Variants in UHRF1 observed in about 807,000 individuals in gnomAD.
UHRF1 encodes the protein ubiquitin like with PHD and ring finger domains 1.
A neutral mutation model predicts 96.5 loss-of-function variants in UHRF1; 9 were observed. That is an observed-to-expected ratio of 0.09 (90% CI 0.06 to 0.16). The LOEUF (loss-of-function observed/expected upper bound fraction) is 0.16. Ranked by LOEUF, UHRF1 falls within the 10% of genes least tolerant of loss-of-function variation. The probability of loss-of-function intolerance (pLI) is 1.00; values close to 1 mark genes in which losing one functional copy is unlikely to be tolerated. For missense variants in UHRF1, 626 were observed against 1,131.1 expected, an observed-to-expected ratio of 0.55 and a Z score of 6.40; for synonymous variants, 455 against 469.9, an observed-to-expected ratio of 0.97 and a Z score of 0.41.
chr19:4,934,760 C>T (rs1196977106), intron 5 of UHRF1, among the ~76,000 whole-genome samples: 1 of 152,094 alleles, frequency 6.6e-6, no homozygotes. Flanking sequence ...ATTTATGGTG[C>T]ATCTGTGGCC....
chr19:4,945,768 C>A, intron 9 of UHRF1, 93 bp from the exon 10 acceptor site: 1 of 1,089,564 alleles, frequency 9.2e-7, no homozygotes, highest in Non-Finnish European at 1.4e-6. Flanking sequence ...AGTGAGGCCG[C>A]TGGCTGCTCG....
intron 11 of UHRF1, 44 bp downstream of exon 11, chr19:4,947,255 G>A: frequency 1.3e-6 from 2 of 1,562,318 alleles, no homozygotes; most frequent in Non-Finnish European, 1.8e-6. Flanking sequence ...ATGCATATCT[G>A]CCGAGTCTTG....
chr19:4,956,899 C>G, intron 16 of UHRF1, 86 bp downstream of exon 16: 1 of 961,990 alleles, frequency 1.0e-6, no homozygotes, highest in Non-Finnish European at 1.6e-6. Flanking sequence ...CCACTACAGA[C>G]AGAGGCTTGT....
chr19:4,916,485 G>A (rs867593583), intron 2 of UHRF1, among the ~76,000 whole-genome samples: 6 of 152,164 alleles, frequency 3.9e-5, no homozygotes, highest in Admixed American at 1.3e-4. Flanking sequence ...TGATCGTGGT[G>A]TCTTTGTGGC....
chr19:4,916,771 C>T (rs1024435488), intron 2 of UHRF1, among the ~76,000 whole-genome samples: 9 of 152,244 alleles, frequency 5.9e-5, no homozygotes, highest in Non-Finnish European at 8.8e-5. Flanking sequence ...GGCGCTGAGA[C>T]GGGCCAGCAG....
At chr19:4,907,420 C>T (rs1436998360), upstream of UHRF1, among the ~76,000 whole-genome samples, 1 of 152,136 alleles carries the variant, frequency 6.6e-6, no homozygotes, top group Non-Finnish European at 1.5e-5. Context: ...AGGCGCCGGC[C>T]ACCACACCTG....
intron 7 of UHRF1, 109 bp from the exon 8 acceptor site, chr19:4,944,023 A>T: frequency 6.7e-7 from 1 of 1,503,652 alleles, no homozygotes; most frequent in Non-Finnish European, 9.0e-7. Context: ...GCAGGATGGT[A>T]GTGGTGCCAG....
At position 4,945,813 on chromosome 19, in the gene UHRF1, C is replaced by T. The variant is rs988092242; in HGVS notation, c.1306-48C>T. Reference sequence around the variant, plus strand: ...GGAGGAGGGCGGTGGAGCTTCTCTGCAGCAGTCATTGCAGAGGACACCATG... The same window carrying T: ...GGAGGAGGGCGGTGGAGCTTCTCTGTAGCAGTCATTGCAGAGGACACCATG... On this transcript the variant is annotated intron_variant, in intron 9 of 16. Coordinates refer to ENST00000650932, the MANE Select transcript of UHRF1 (RefSeq NM_001048201.3). 4 of 1,510,284 alleles carry T rather than the reference C, an allele frequency of 2.6e-6. No homozygotes were observed. In the African/African-American group the frequency reaches 4.2e-5, roughly 16 times the overall value. 93.6% of individuals were successfully genotyped at this position (1,510,284 alleles called of 1,614,324 possible).
intron 9 of UHRF1, 108 bp downstream of exon 9, chr19:4,944,558 G>T (rs2033507428): frequency 8.2e-7 from 1 of 1,222,998 alleles, no homozygotes; most frequent in Non-Finnish European, 1.2e-6. Flanking sequence ...GTTACCAGTG[G>T]TGCCTCGGCT....
At chr19:4,927,366 G>A (rs1252591893) in intron 2 of UHRF1, among the ~76,000 whole-genome samples, 2 of 130,820 alleles carry the variant, frequency 1.5e-5, no homozygotes, top group South Asian at 5.1e-4. Flanking sequence ...GGGCGACAGA[G>A]TGAGACTCCA....
intron 5 of UHRF1, among the ~76,000 whole-genome samples, chr19:4,937,036 A>G (rs1168025898): frequency 6.8e-6 from 1 of 148,006 alleles, no homozygotes; most frequent in Non-Finnish European, 1.5e-5. Flanking sequence ...GCAAGCAATA[A>G]TTTTTTTTTT....
intron 2 of UHRF1, among the ~76,000 whole-genome samples, chr19:4,922,700 C>T (rs897535367): frequency 2.6e-5 from 4 of 152,234 alleles, no homozygotes; most frequent in Non-Finnish European, 4.4e-5. Flanking sequence ...TGCTTTGGGG[C>T]CTTTCTGCAA....
In UHRF1 at chr19:4,960,709, G is replaced by A; in HGVS notation, c.2288G>A (p.Arg763His). Residue 763 changes from arginine (R) to histidine (H), a missense_variant, in exon 17 of 17, where the codon CGC (arginine) becomes CAC (histidine). By Grantham distance (29) the Arg-to-His change is conservative. Coordinates refer to ENST00000650932, the MANE Select transcript of UHRF1 (RefSeq NM_001048201.3). Reference protein sequence around the residue: ...RAQVFSCPACRYDLGRSYAMQ... With the variant: ...RAQVFSCPACHYDLGRSYAMQ... ...CAGGTGTTCAGCTGCCCTGCCTGCC[G>A]CTACGACCTGGGCCGCAGCTATGCC... The A allele has an allele frequency of 6.3e-7, 1 of 1,590,586 alleles. No individual in the cohort carries two copies. Among genetic ancestry groups the A allele is most frequent in the Non-Finnish European group, 8.6e-7 (1 of 1,169,266 alleles).
intron 13 of UHRF1, among the ~76,000 whole-genome samples, chr19:4,953,447 T>C (rs1302163628): frequency 6.6e-6 from 1 of 152,170 alleles, no homozygotes; most frequent in Non-Finnish European, 1.5e-5. Context: ...TCAGCATCCC[T>C]ACTCTTGCAC....
chr19:4,928,610 C>T (rs545411566), intron 2 of UHRF1, among the ~76,000 whole-genome samples: 2 of 152,304 alleles, frequency 1.3e-5, no homozygotes, highest in South Asian at 4.1e-4. Flanking sequence ...GCGCTGGAGC[C>T]TTACCCAGGA....
chr19:4,944,492 A>G (rs1309284882), intron 9 of UHRF1, 42 bp downstream of exon 9: 7 of 1,607,556 alleles, frequency 4.4e-6, no homozygotes, highest in Non-Finnish European at 6.0e-6. Flanking sequence ...ACGCGGGCTC[A>G]TCCTGCTTTT....
chr19:4,922,634 T>A (rs1415736523), intron 2 of UHRF1, among the ~76,000 whole-genome samples: 2 of 152,228 alleles, frequency 1.3e-5, no homozygotes, highest in Non-Finnish European at 1.5e-5. Flanking sequence ...GGTCAGAACT[T>A]AACAATAACT....
At chr19:4,933,270 C>A (rs554310651) in intron 5 of UHRF1, among the ~76,000 whole-genome samples, 1 of 152,248 alleles carries the variant, frequency 6.6e-6, no homozygotes, top group South Asian at 2.1e-4. Flanking sequence ...GGCTGGAGTG[C>A]AGTGGTTCGA....
rs779393979 is a variant in UHRF1 at position 4,941,752 on chromosome 19, C to T, written c.894C>T (p.Ser298=). The change falls in exon 7 of 17, where the codon AGC becomes AGT. Residue 298 remains serine (S), a synonymous_variant. Coordinates refer to ENST00000650932, the MANE Select transcript of UHRF1 (RefSeq NM_001048201.3). Reference sequence around the variant, plus strand: ...CTGCCGCCCCGTGCCCAGGGAAGAGCGGGCCGTCCTGCAAGCACTGCAAGG... The same window carrying T: ...CTGCCGCCCCGTGCCCAGGGAAGAGTGGGCCGTCCTGCAAGCACTGCAAGG... ...PMVDNPMRRK[S]GPSCKHCKDD... The T allele has an allele frequency of 1.6e-5, 24 of 1,544,520 alleles. No individual in the cohort carries two copies. The highest frequency in any genetic ancestry group is 2.1e-5 in the Admixed American group (1 of 48,498).
Sources: gnomAD v4.1 joint callset for allele counts (sites outside exome capture counted in the v4.1 genomes callset) on GRCh38, gnomAD v4.1.1 for gene constraint, MANE v1.5 for transcripts, NCBI Gene and HGNC (gene_info 2026-07-23, HGNC 2026-07-21) for gene names.